Variants in ADGRF4 observed in about 807,000 individuals in gnomAD.
ADGRF4 encodes G-protein coupled receptor PGR18.
In ADGRF4, 63 loss-of-function variants were observed where a neutral mutation model predicts 58.5. The observed-to-expected ratio is 1.08, with a 90% CI of 0.88 to 1.33. The LOEUF (loss-of-function observed/expected upper bound fraction) is 1.33. Ranked by LOEUF, ADGRF4 falls within the 40% of genes most tolerant of loss-of-function variation. The probability of loss-of-function intolerance (pLI) is 0.00; values close to 1 mark genes in which losing one functional copy is unlikely to be tolerated. For synonymous variants in ADGRF4, 313 were observed against 295.4 expected, an observed-to-expected ratio of 1.06 and a Z score of -0.61; for missense variants, 931 against 843.9, an observed-to-expected ratio of 1.10 and a Z score of -1.28.
At chr6:47,717,140 C>A (rs1772040141) in intron 7 of ADGRF4, 152 bp from the exon 8 acceptor site, 2 of 685,926 alleles carry the variant, frequency 2.9e-6, no homozygotes, top group South Asian at 1.7e-5. Context: ...TACACCCTAG[C>A]TTTTATCCAA....
chr6:47,720,514 G>A (rs1772133950), intron 9 of ADGRF4, among the ~76,000 whole-genome samples: 1 of 152,196 alleles, frequency 6.6e-6, no homozygotes, highest in Non-Finnish European at 1.5e-5. Context: ...GGTTGAGACA[G>A]GTCTGTCAGG....
chr6:47,720,510 G>A (rs1772133804), intron 9 of ADGRF4, among the ~76,000 whole-genome samples: 1 of 152,202 alleles, frequency 6.6e-6, no homozygotes, highest in South Asian at 2.1e-4. Context: ...ACAGGGTTGA[G>A]ACAGGTCTGT....
chr6:47,708,177 G>T, intron 2 of ADGRF4, 47 bp from the exon 3 acceptor site: 3 of 1,405,258 alleles, frequency 2.1e-6, no homozygotes, highest in Non-Finnish European at 3.0e-6. Context: ...AGATGAGGGA[G>T]CAGAGTCCCA....
chr6:47,712,280 TG>T, intron 4 of ADGRF4, 76 bp from the exon 5 acceptor site: 21 of 1,427,728 alleles, frequency 1.5e-5, no homozygotes, highest in Non-Finnish European at 2.0e-5. Flanking sequence ...CCATGTAGAT[TG>T]TGCTTTAACT....
intron 5 of ADGRF4, among the ~76,000 whole-genome samples, chr6:47,713,107 C>A (rs2113903578): frequency 6.6e-6 from 1 of 152,302 alleles, no homozygotes; most frequent in Non-Finnish European, 1.5e-5. Context: ...AGGTTGTGTG[C>A]TCCTTAGGAA....
In ADGRF4 at chr6:47,721,331, T is replaced by A. The variant is rs1250176482; in HGVS notation, c.*126T>A. Reference sequence around the variant, plus strand: ...TTCCTTGGAAGACTTTCTCTTCTTGTCAGGAGTGACTCCCAAGCTCTTGGT... The same window carrying A: ...TTCCTTGGAAGACTTTCTCTTCTTGACAGGAGTGACTCCCAAGCTCTTGGT... On this transcript the variant is annotated 3_prime_UTR_variant, in exon 10 of 10. Coordinates refer to ENST00000283303, the MANE Select transcript of ADGRF4 (RefSeq NM_153838.5). The A allele has an allele frequency of 6.6e-6, 1 of 152,166 alleles. No homozygotes were observed. The highest frequency in any genetic ancestry group is 1.5e-5 in the Non-Finnish European group (1 of 68,040). 9.4% of individuals were successfully genotyped at this position (152,166 alleles called of 1,614,324 possible). A position where few individuals can be genotyped will look rare whatever the true frequency, so the allele number is the denominator to read the frequency against.
chr6:47,701,502 A>G (rs1771587579), intron 1 of ADGRF4, among the ~76,000 whole-genome samples: 1 of 152,208 alleles, frequency 6.6e-6, no homozygotes, highest in African/African-American at 2.4e-5. Context: ...TAGTATAGCA[A>G]TTGGAGGGAA....
At chr6:47,719,802 T>C (rs1272545537) in intron 9 of ADGRF4, among the ~76,000 whole-genome samples, 3 of 152,136 alleles carry the variant, frequency 2.0e-5, no homozygotes, top group African/African-American at 7.2e-5. Context: ...CACTACTTAC[T>C]AGGGTTGGGG....
intron 1 of ADGRF4, among the ~76,000 whole-genome samples, chr6:47,705,572 T>C (rs115377740): frequency 1.5e-4 from 23 of 152,358 alleles, no homozygotes; most frequent in African/African-American, 5.3e-4. Context: ...CTCTGTTCAT[T>C]GGTTAGAAAC....
Position 47,716,792 on chromosome 6 carries a change from C to G in ADGRF4, c.1933-14C>G, listed in dbSNP as rs1236732049. 1 of 1,593,514 alleles carries G rather than the reference C, an allele frequency of 6.3e-7. No homozygotes were observed. The highest frequency in any genetic ancestry group is 8.6e-7 in the Non-Finnish European group (1 of 1,167,060). On this transcript the variant is annotated splice_polypyrimidine_tract_variant and intron_variant, in intron 6 of 9. Coordinates refer to ENST00000283303, the MANE Select transcript of ADGRF4 (RefSeq NM_153838.5). Reference sequence around the variant, plus strand: ...AAAAACCATCCCTCATGAATCTGTTCAATTTTGCCACAGGGTTTTTTCATC... The same window carrying G: ...AAAAACCATCCCTCATGAATCTGTTGAATTTTGCCACAGGGTTTTTTCATC...
intron 9 of ADGRF4, among the ~76,000 whole-genome samples, chr6:47,720,476 C>T (rs16876391): frequency 0.1 from 15,898 of 152,070 alleles, 862 homozygotes; most frequent in South Asian, 0.15. Context: ...TCCCAATGAT[C>T]GCAGGTCAGA....
At position 47,713,996 on chromosome 6, in the gene ADGRF4, A is replaced by G. The variant is rs754611015; in HGVS notation, c.751A>G (p.Thr251Ala). The change falls in exon 6 of 10, where the codon ACC (threonine) becomes GCC (alanine). Residue 251 changes from threonine (T) to alanine (A), a missense_variant. By Grantham distance (58) the Thr-to-Ala change is moderately conservative. Coordinates refer to ENST00000283303, the MANE Select transcript of ADGRF4 (RefSeq NM_153838.5). The part of the protein sequence containing the change: ...QTKGFHINHN[T>A]SEKSLNFSMS... ...AAAAGGGTTTCACATCAACCATAAT[A>G]CCTCAGAGAAAAGCCTCAATTTCTC... 1 of 1,605,048 alleles carries G rather than the reference A, an allele frequency of 6.2e-7. No individual in the cohort carries two copies. The highest frequency in any genetic ancestry group is 1.7e-5 in the Admixed American group (1 of 58,764).
At position 47,714,587 on chromosome 6, in the gene ADGRF4, G is replaced by T. The variant is rs889118088; in HGVS notation, c.1342G>T (p.Val448Leu). The change falls in exon 6 of 10, where the codon GTG (valine) becomes TTG (leucine). Residue 448 changes from valine (V) to leucine (L), a missense_variant. By Grantham distance (32) the Val-to-Leu change is conservative (BLOSUM62 1). Coordinates refer to ENST00000283303, the MANE Select transcript of ADGRF4 (RefSeq NM_153838.5). ...TCACGTGTGCATCGTGAATATAGCA[G>T]TGTCCCTTCTGACTGCCAATGTGTG... ...MRHVCIVNIA[V>L]SLLTANVWFI... 6.2e-7 allele frequency: 1 copy of T among 1,614,170 alleles called. No homozygotes were observed. Among genetic ancestry groups the T allele is most frequent in the East Asian group, 2.2e-5 (1 of 44,880 alleles).
chr6:47,704,610 T>G (rs999741103), intron 1 of ADGRF4, among the ~76,000 whole-genome samples: 1 of 152,082 alleles, frequency 6.6e-6, no homozygotes, highest in Admixed American at 6.5e-5. Flanking sequence ...ATGAATCTTA[T>G]AGTCTGTATC....
At position 47,714,076 on chromosome 6, in the gene ADGRF4, G is replaced by C; in HGVS notation, c.831G>C (p.Arg277Ser). The C allele has an allele frequency of 6.2e-7, 1 of 1,613,980 alleles. No individual in the cohort carries two copies. The highest frequency in any genetic ancestry group is 8.5e-7 in the Non-Finnish European group (1 of 1,180,000). Residue 277 changes from arginine (R) to serine (S), a missense_variant, in exon 6 of 10, where the codon AGG becomes AGC. Physicochemically the swap from Arg to Ser is moderately radical, Grantham distance 110 (BLOSUM62 -1). Coordinates refer to ENST00000283303, the MANE Select transcript of ADGRF4 (RefSeq NM_153838.5). Reference protein sequence around the residue: ...EDILGMVQIPRQELRKLWPNA... With the variant: ...EDILGMVQIPSQELRKLWPNA... ...TCTTAGGAATGGTACAGATTCCCAG[G>C]CAAGAGCTAAGGAAGCTGTGGCCAA...
chr6:47,717,582 C>T (rs551566560), intron 8 of ADGRF4, among the ~76,000 whole-genome samples: 1 of 152,362 alleles, frequency 6.6e-6, no homozygotes, highest in East Asian at 1.9e-4. Context: ...TTCAGCTTGA[C>T]ATTTGAACCC....
chr6:47,705,872 C>T (rs1406367606), intron 1 of ADGRF4, among the ~76,000 whole-genome samples: 1 of 152,206 alleles, frequency 6.6e-6, no homozygotes, highest in East Asian at 1.9e-4. Context: ...GATCTCTCTT[C>T]TCACTGTTGG....
Position 47,714,043 on chromosome 6 carries a change from A to G in ADGRF4, c.798A>G (p.Thr266=), listed in dbSNP as rs759581925. 9.3e-6 allele frequency: 15 copies of G among 1,613,220 alleles called. No individual in the cohort carries two copies. The South Asian group carries it at 1.7e-4, about 18-fold the overall frequency. Residue 266 remains threonine, a synonymous_variant, in exon 6 of 10, where the codon ACA becomes ACG. Coordinates refer to ENST00000283303, the MANE Select transcript of ADGRF4 (RefSeq NM_153838.5). ...LNFSMSMNNT[T]EDILGMVQIP... Reference sequence around the variant, plus strand: ...TCTCCATGAGCATGAACAATACCACAGAAGATATCTTAGGAATGGTACAGA... The same window carrying G: ...TCTCCATGAGCATGAACAATACCACGGAAGATATCTTAGGAATGGTACAGA...
Position 47,708,273 on chromosome 6 carries a change from T to G in ADGRF4, c.143T>G (p.Ile48Ser), listed in dbSNP as rs1159487308. Residue 48 changes from isoleucine (I) to serine (S), a missense_variant, in exon 3 of 10, where the codon ATC becomes AGC. Ile to Ser is a moderately radical substitution (Grantham distance 142, BLOSUM62 -2). Coordinates refer to ENST00000283303, the MANE Select transcript of ADGRF4 (RefSeq NM_153838.5). The part of the protein sequence containing the change: ...SPEGKPKTGR[I>S]QEKCEGPCIS... The stretch of plus-strand genomic sequence containing the variant: ...GAAGGGAAACCCAAGACTGGAAGGA[T>G]CCAAGGTATGTGGCTATAGAACAGT... The G allele has an allele frequency of 6.2e-7, 1 of 1,609,282 alleles. No individual in the cohort carries two copies. The highest frequency in any genetic ancestry group is 1.1e-5 in the South Asian group (1 of 90,992).
Sources: allele counts gnomAD v4.1 joint callset (sites outside exome capture counted in the v4.1 genomes callset), GRCh38; gene constraint gnomAD v4.1.1; transcripts MANE v1.5; gene names NCBI Gene and HGNC (gene_info 2026-07-23, HGNC 2026-07-21).